The following GRM8 variants were observed in gnomAD, a reference collection of about 807,000 sequenced individuals.
GRM8 encodes the protein glutamate metabotropic receptor 8.
GRM8 carries 47 observed loss-of-function variants against 87.2 expected under a neutral mutation model. That is an observed-to-expected ratio of 0.54 (90% CI 0.43 to 0.69). The LOEUF (loss-of-function observed/expected upper bound fraction) is 0.69, where lower values mean the gene tolerates loss of function less well. Ranked by LOEUF, GRM8 falls within the 30% of genes least tolerant of loss-of-function variation. GRM8 has a pLI of 0.00. For missense variants in GRM8, 1,019 were observed against 1,139.2 expected (o/e 0.89, Z 1.52); for synonymous variants, 396 against 404.5 (o/e 0.98, Z 0.25).
intron 2 of GRM8, among the ~76,000 whole-genome samples, chr7:127,155,393 T>C (rs1792659113): frequency 6.6e-6 from 1 of 152,206 alleles, no homozygotes; most frequent in South Asian, 2.1e-4. Context: ...CTTTGATTCA[T>C]CCAACGTAAC....
intron 3 of GRM8, among the ~76,000 whole-genome samples, chr7:127,054,397 T>G (rs1563457716): frequency 6.6e-6 from 1 of 152,198 alleles, no homozygotes; most frequent in Non-Finnish European, 1.5e-5. Flanking sequence ...TGGTACCTAT[T>G]TTATCCCACT....
chr7:126,550,014 T>A (rs1434775723), intron 8 of GRM8, among the ~76,000 whole-genome samples: 1 of 148,320 alleles, frequency 6.7e-6, no homozygotes, highest in East Asian at 2.0e-4. Context: ...ACTTGCATGT[T>A]GTTTTATGGG....
intron 6 of GRM8, among the ~76,000 whole-genome samples, chr7:126,788,215 G>T (rs1258065978): frequency 6.6e-6 from 1 of 151,684 alleles, no homozygotes; most frequent in Non-Finnish European, 1.5e-5. Flanking sequence ...TTTGAGACCA[G>T]TCTAGCCAAC....
At chr7:126,569,082 A>ATGT (rs1794479547) in intron 8 of GRM8, among the ~76,000 whole-genome samples, 1 of 152,168 alleles carries the variant, frequency 6.6e-6, no homozygotes, top group Admixed American at 6.5e-5. Context: ...ACTCTATTAT[A>ATGT]CTTCTTCAAA....
chr7:127,021,204 T>C (rs1459910220), intron 3 of GRM8, among the ~76,000 whole-genome samples: 1 of 151,864 alleles, frequency 6.6e-6, no homozygotes, highest in Admixed American at 6.6e-5. Flanking sequence ...ACAGAAAGAC[T>C]CTGAAGTCTT....
At chr7:126,922,732 G>T (rs1211804374) in intron 3 of GRM8, among the ~76,000 whole-genome samples, 1 of 152,088 alleles carries the variant, frequency 6.6e-6, no homozygotes, top group African/African-American at 2.4e-5. Flanking sequence ...GGTGGGAGGT[G>T]ATTGGATCAT....
chr7:126,667,460 A>C (rs1805892929), intron 7 of GRM8, among the ~76,000 whole-genome samples: 1 of 152,214 alleles, frequency 6.6e-6, no homozygotes, highest in Admixed American at 6.5e-5. Context: ...TTAGAAGGAA[A>C]ATGTGCCAAT....
chr7:126,445,078 T>C (rs1482554542), intron 10 of GRM8, among the ~76,000 whole-genome samples: 4 of 151,952 alleles, frequency 2.6e-5, no homozygotes, highest in African/African-American at 9.7e-5. Context: ...GGTGGGAGGA[T>C]CACTTGAACC....
At chr7:126,757,378 G>A (rs927234766) in intron 7 of GRM8, among the ~76,000 whole-genome samples, 3 of 152,038 alleles carry the variant, frequency 2.0e-5, no homozygotes, top group Non-Finnish European at 4.4e-5. Flanking sequence ...TCTGTGTGGG[G>A]TGCTTTCAAT....
At chr7:126,470,445 G>GT (rs1181216645) in intron 9 of GRM8, among the ~76,000 whole-genome samples, 8 of 149,112 alleles carry the variant, frequency 5.4e-5, no homozygotes, top group Admixed American at 4.8e-4. Flanking sequence ...GCAGTGTTTG[G>GT]TTTTTTGTCC....
intron 3 of GRM8, among the ~76,000 whole-genome samples, chr7:126,931,890 G>A (rs1478504436): frequency 6.6e-6 from 1 of 152,134 alleles, no homozygotes; most frequent in African/African-American, 2.4e-5. Flanking sequence ...TGGTTGCTTT[G>A]AGAGCATCAC....
At chr7:127,188,727 T>C (rs968742674) in intron 2 of GRM8, among the ~76,000 whole-genome samples, 1 of 152,154 alleles carries the variant, frequency 6.6e-6, no homozygotes, top group African/African-American at 2.4e-5. Flanking sequence ...AAGCAAAGCT[T>C]GTTAATAAAT....
chr7:127,223,411 C>G (rs1430682725), intron 2 of GRM8, among the ~76,000 whole-genome samples: 2 of 150,804 alleles, frequency 1.3e-5, no homozygotes, highest in Non-Finnish European at 2.9e-5. Context: ...AGATAATAAC[C>G]ACTCTACTCG....
intron 3 of GRM8, among the ~76,000 whole-genome samples, chr7:127,051,040 T>G (rs1819417445): frequency 6.6e-6 from 1 of 152,182 alleles, no homozygotes; most frequent in African/African-American, 2.4e-5. Flanking sequence ...TAAATTATAT[T>G]CCAGATTTAT....
At chr7:126,583,600 C>A (rs781547882) in intron 8 of GRM8, among the ~76,000 whole-genome samples, 1 of 152,022 alleles carries the variant, frequency 6.6e-6, no homozygotes, top group Non-Finnish European at 1.5e-5. Flanking sequence ...TCATGGATGA[C>A]TTTGAGGTGT....
intron 9 of GRM8, among the ~76,000 whole-genome samples, chr7:126,497,909 GA>G (rs1809018982): frequency 6.6e-6 from 1 of 151,936 alleles, no homozygotes; most frequent in Non-Finnish European, 1.5e-5. Flanking sequence ...TGTAGGTGGG[GA>G]CCTCTTGCTT....
chr7:126,799,403 T>C (rs1822386323), intron 6 of GRM8, among the ~76,000 whole-genome samples: 1 of 152,060 alleles, frequency 6.6e-6, no homozygotes, highest in Non-Finnish European at 1.5e-5. Context: ...AGCATGTTGG[T>C]CTGATGAAGA....
At chr7:126,639,292 G>T (rs1274655805) in intron 7 of GRM8, among the ~76,000 whole-genome samples, 2 of 152,086 alleles carry the variant, frequency 1.3e-5, no homozygotes, top group Non-Finnish European at 2.9e-5. Context: ...AATTGTAAGA[G>T]GTAAGGATGT....
At chr7:126,449,421 T>C (rs13230653) in intron 9 of GRM8, among the ~76,000 whole-genome samples, 2 of 151,848 alleles carry the variant, frequency 1.3e-5, no homozygotes, top group Non-Finnish European at 2.9e-5. Flanking sequence ...CTCTTACAGA[T>C]ACAAGATAGC....
Sources: allele counts gnomAD v4.1 joint callset (sites outside exome capture counted in the v4.1 genomes callset), GRCh38; gene constraint gnomAD v4.1.1; transcripts MANE v1.5; gene names NCBI Gene and HGNC (gene_info 2026-07-23, HGNC 2026-07-21).